Variants in SUGCT observed in about 807,000 individuals in gnomAD.
SUGCT encodes succinyl-CoA:glutarate-CoA transferase, also known as succinyl-CoA:glutarate CoA-transferase.
A neutral mutation model predicts 55.0 loss-of-function variants in SUGCT; 41 were observed. That is an observed-to-expected ratio of 0.74 (90% CI 0.58 to 0.97). The LOEUF is 0.97. SUGCT is among the 50% of genes least tolerant of loss of function. SUGCT has a pLI of 0.00. For missense variants in SUGCT, 568 were observed against 547.8 expected, an observed-to-expected ratio of 1.04 and a Z score of -0.37; for synonymous variants, 187 against 200.4, an observed-to-expected ratio of 0.93 and a Z score of 0.56.
intron 12 of SUGCT, among the ~76,000 whole-genome samples, chr7:40,591,591 G>A (rs1385352651): frequency 3.3e-5 from 5 of 152,100 alleles, no homozygotes; most frequent in South Asian, 2.1e-4. Flanking sequence ...AAATAGTATC[G>A]CATGTAACAG....
intron 12 of SUGCT, among the ~76,000 whole-genome samples, chr7:40,673,462 A>C (rs1005657768): frequency 6.6e-6 from 1 of 152,124 alleles, no homozygotes; most frequent in South Asian, 2.1e-4. Context: ...ATGCTATTTC[A>C]TCTCTTTGCC....
At chr7:40,574,372 T>C (rs17171739) in intron 12 of SUGCT, among the ~76,000 whole-genome samples, 3,757 of 152,318 alleles carry the variant, frequency 0.025, 174 homozygotes, top group African/African-American at 0.086. Flanking sequence ...TCCAATTTCA[T>C]TTCTGAAGAT....
At chr7:40,300,912 G>A (rs4723946) in intron 8 of SUGCT, among the ~76,000 whole-genome samples, 82,470 of 152,054 alleles carry the variant, frequency 0.54, 24,339 homozygotes, top group Non-Finnish European at 0.67. Context: ...TCCTGTTCCT[G>A]TGAAGTGATG....
the SUGCT span, among the ~76,000 whole-genome samples, chr7:40,898,466 G>T: frequency 1.5e-5 from 2 of 129,830 alleles, no homozygotes. Context: ...TGTAATCCCA[G>T]CACTCCGGGA....
intron 12 of SUGCT, among the ~76,000 whole-genome samples, chr7:40,684,348 G>A (rs907898122): frequency 6.6e-6 from 1 of 152,150 alleles, no homozygotes. Context: ...GATGCAAAGA[G>A]GCATTCCATT....
intron 7 of SUGCT, among the ~76,000 whole-genome samples, chr7:40,249,344 T>TATATATATATAAAA (rs1172651937): frequency 1.0e-3 from 132 of 128,078 alleles, no homozygotes; most frequent in African/African-American, 4.2e-3. Context: ...TATATATATA[T>TATATATATATAAAA]ATAATTATAT....
At chr7:40,456,167 A>G (rs1405336064) in intron 10 of SUGCT, among the ~76,000 whole-genome samples, 2 of 152,022 alleles carry the variant, frequency 1.3e-5, no homozygotes, top group African/African-American at 4.8e-5. Context: ...CTGGGATTAC[A>G]GGCACCCACC....
intron 9 of SUGCT, among the ~76,000 whole-genome samples, chr7:40,445,142 A>C (rs1367791276): frequency 6.6e-6 from 1 of 152,150 alleles, no homozygotes; most frequent in Non-Finnish European, 1.5e-5. Flanking sequence ...AGAAATAACT[A>C]AGATCAGAGC....
chr7:40,137,874 GTT>G (rs2150570768), intron 1 of SUGCT, among the ~76,000 whole-genome samples: 1 of 152,188 alleles, frequency 6.6e-6, no homozygotes, highest in South Asian at 2.1e-4. Flanking sequence ...AAGACATGGG[GTT>G]TTGCCATGTT....
chr7:40,465,514 G>A (rs9655412), intron 11 of SUGCT, among the ~76,000 whole-genome samples: 6,006 of 152,136 alleles, frequency 0.039, 379 homozygotes, highest in African/African-American at 0.14. Context: ...AGAAGCCGAG[G>A]AAGGAGAATT....
the SUGCT span, among the ~76,000 whole-genome samples, chr7:40,902,454 C>T: frequency 2.0e-5 from 3 of 151,602 alleles, no homozygotes; most frequent in African/African-American, 4.8e-5. Context: ...GTGGCATGCA[C>T]CTGTAATCCC....
chr7:40,169,054 G>A (rs974984798), intron 1 of SUGCT, among the ~76,000 whole-genome samples: 4 of 152,068 alleles, frequency 2.6e-5, no homozygotes, highest in South Asian at 2.1e-4. Context: ...GTGTTCCCTC[G>A]GAAGTTAGGA....
chr7:40,684,784 T>C (rs1584270227), intron 12 of SUGCT, among the ~76,000 whole-genome samples: 1 of 152,204 alleles, frequency 6.6e-6, no homozygotes. Context: ...ACCATGAGTA[T>C]GTAAATGTTT....
At chr7:40,916,683 A>T in the SUGCT span, among the ~76,000 whole-genome samples, 1 of 152,350 alleles carries the variant, frequency 6.6e-6, no homozygotes, top group Non-Finnish European at 1.5e-5. Flanking sequence ...TACTTAAAAA[A>T]CAACTTTATG....
At chr7:40,818,689 G>T (rs1791808551) in intron 13 of SUGCT, among the ~76,000 whole-genome samples, 1 of 152,136 alleles carries the variant, frequency 6.6e-6, no homozygotes, top group Non-Finnish European at 1.5e-5. Flanking sequence ...GAATATAGAT[G>T]AATCTTTGCA....
chr7:40,569,983 A>G (rs1274809371), intron 12 of SUGCT, among the ~76,000 whole-genome samples: 1 of 152,228 alleles, frequency 6.6e-6, no homozygotes, highest in East Asian at 1.9e-4. Context: ...GCTTGCTACC[A>G]TAAAAAGGAA....
chr7:40,714,061 G>C (rs1255736341), intron 12 of SUGCT, among the ~76,000 whole-genome samples: 1 of 152,194 alleles, frequency 6.6e-6, no homozygotes. Flanking sequence ...CGGGTGCAGT[G>C]GCTCATGCCT....
At chr7:40,692,140 C>T (rs1450402304) in intron 12 of SUGCT, among the ~76,000 whole-genome samples, 2 of 152,108 alleles carry the variant, frequency 1.3e-5, no homozygotes, top group Non-Finnish European at 2.9e-5. Context: ...TGTTATGTCT[C>T]AAGGCTATGC....
chr7:40,243,331 T>C (rs1789591260), intron 7 of SUGCT, among the ~76,000 whole-genome samples: 1 of 152,006 alleles, frequency 6.6e-6, no homozygotes, highest in Non-Finnish European at 1.5e-5. Flanking sequence ...GTATTGACCA[T>C]ATGTGTAATG....
Sources: gnomAD v4.1 joint callset for allele counts (sites outside exome capture counted in the v4.1 genomes callset) on GRCh38, gnomAD v4.1.1 for gene constraint, MANE v1.5 for transcripts, NCBI Gene and HGNC (gene_info 2026-07-23, HGNC 2026-07-21) for gene names.